ABCD3: variants seen among roughly 807,000 people sequenced by gnomAD.
ABCD3 encodes the protein ATP binding cassette subfamily D member 3.
A neutral mutation model predicts 105.5 loss-of-function variants in ABCD3; 41 were observed. That is an observed-to-expected ratio of 0.39 (90% CI 0.30 to 0.50). ABCD3 has a LOEUF of 0.50. ABCD3 is among the 20% of genes least tolerant of loss of function. The pLI, the probability that ABCD3 is intolerant of heterozygous loss-of-function variation, is 0.84. For missense variants in ABCD3, 622 were observed against 806.3 expected, an observed-to-expected ratio of 0.77 and a Z score of 2.77; for synonymous variants, 258 against 269.0, an observed-to-expected ratio of 0.96 and a Z score of 0.40.
chr1:94,471,614 C>G (rs1245627910), intron 4 of ABCD3, among the ~76,000 whole-genome samples: 1 of 151,916 alleles, frequency 6.6e-6, no homozygotes, highest in Non-Finnish European at 1.5e-5. Context: ...TAGTTTTGAG[C>G]CTCTGCTGTG....
chr1:94,450,641 T>G (rs914127594), intron 1 of ABCD3, among the ~76,000 whole-genome samples: 8 of 152,250 alleles, frequency 5.3e-5, no homozygotes, highest in Non-Finnish European at 1.5e-5. Context: ...TCAATAAATA[T>G]GTGGGTAAAT....
chr1:94,498,597 T>C lies in ABCD3; in HGVS notation c.1387-5T>C, dbSNP rs1048011705. The C allele has an allele frequency of 6.2e-7, 1 of 1,613,732 alleles. No individual in the cohort carries two copies. The highest frequency in any genetic ancestry group is 1.7e-4 in the Middle Eastern group (1 of 6,058). The stretch of plus-strand genomic sequence containing the variant: ...TTCACAGACTGATTTTTTTTTTTTT[T>C]TCAGGTTCGATCTGGGGCTAATGTT... On this transcript the variant is annotated splice_polypyrimidine_tract_variant and splice_region_variant and intron_variant, in intron 16 of 22. Transcript: ENST00000370214.
intron 3 of ABCD3, among the ~76,000 whole-genome samples, chr1:94,466,121 C>G (rs1337911671): frequency 6.6e-6 from 1 of 151,962 alleles, no homozygotes; most frequent in Non-Finnish European, 1.5e-5. Flanking sequence ...ATACATGTTC[C>G]TTGAAGAAAA....
chr1:94,420,459 CTT>C (rs901405927), intron 1 of ABCD3, among the ~76,000 whole-genome samples: 35 of 151,950 alleles, frequency 2.3e-4, no homozygotes, highest in African/African-American at 8.2e-4. Context: ...TTTTGAGAAA[CTT>C]TGTGAGCTTT....
At chr1:94,429,678 T>C (rs1221966353) in intron 1 of ABCD3, among the ~76,000 whole-genome samples, 1 of 152,200 alleles carries the variant, frequency 6.6e-6, no homozygotes, top group African/African-American at 2.4e-5. Flanking sequence ...AAGTCAAGAA[T>C]TGGGGTTTGG....
intron 20 of ABCD3, 26 bp from the exon 21 acceptor site, chr1:94,506,512 C>A: frequency 6.6e-7 from 1 of 1,520,734 alleles, no homozygotes; most frequent in Non-Finnish European, 9.1e-7. Flanking sequence ...CTGTGTTTTA[C>A]ACAAAAAATT....
chr1:94,498,050 TTGA>T, intron 16 of ABCD3, among the ~76,000 whole-genome samples: 1 of 152,294 alleles, frequency 6.6e-6, no homozygotes, highest in Non-Finnish European at 1.5e-5. Context: ...TTATCTTAAG[TTGA>T]TGATATCAAT....
intron 1 of ABCD3, among the ~76,000 whole-genome samples, chr1:94,436,670 C>CATATT (rs1214439230): frequency 6.6e-6 from 1 of 152,142 alleles, no homozygotes; most frequent in African/African-American, 2.4e-5. Context: ...GTCTCTGTAT[C>CATATT]ATATTATGGT....
Position 94,491,213 on chromosome 1 carries a change from A to G in ABCD3, c.1352A>G (p.Asn451Ser), listed in dbSNP as rs764306710. 6.2e-7 allele frequency: 1 copy of G among 1,612,498 alleles called. No homozygotes were observed. Among genetic ancestry groups the G allele is most frequent in the South Asian group, 1.1e-5 (1 of 90,990 alleles). Reference protein sequence around the residue: ...KFDHVPLATPNGDVLIRDLNF... With the variant: ...KFDHVPLATPSGDVLIRDLNF... ...GATCATGTTCCTTTAGCAACGCCAA[A>G]TGGAGATGTTTTGATCCGAGACCTT... Residue 451 changes from asparagine to serine, a missense_variant, in exon 16 of 23, where the codon AAT becomes AGT. Coordinates refer to ENST00000370214, the MANE Select transcript of ABCD3 (RefSeq NM_002858.4).
Position 94,464,755 on chromosome 1 carries a change from GCTT to G in ABCD3, c.148-16_148-14del, listed in dbSNP as rs752884630. 1.9e-6 allele frequency: 3 copies of G among 1,593,812 alleles called. No homozygotes were observed. Among genetic ancestry groups the G allele is most frequent in the Non-Finnish European group, 2.6e-6 (3 of 1,161,464 alleles). On this transcript the variant is annotated splice_polypyrimidine_tract_variant and intron_variant, in intron 2 of 22. Transcript: ENST00000370214. ...TGTTTGTTATAGCTATCTTAAAAGGGCTTCTTTTTTTTAATGCAGAAAGAGGGG... is the reference window on the plus strand; with the variant it reads ...TGTTTGTTATAGCTATCTTAAAAGGGCTTTTTTTTAATGCAGAAAGAGGGG...
rs201911490 is a variant in ABCD3 at position 94,500,279 on chromosome 1, C to CA, written c.1740+674dup. 7.3e-3 allele frequency among the ~76,000 whole-genome samples: 1,101 copies of CA among 151,090 alleles called. 16 individuals are homozygous for CA. Among genetic ancestry groups the CA allele is most frequent in the African/African-American group, 0.025 (1,031 of 41,228 alleles). On this transcript the variant is annotated intron_variant, in intron 20 of 22. Coordinates refer to ENST00000370214, the MANE Select transcript of ABCD3 (RefSeq NM_002858.4). Reference sequence around the variant, plus strand: ...GCAACATAGCAAGACCCTTTCTCTACAAAAAAAAATTTAAAAATTATCTGG... The same window carrying CA: ...GCAACATAGCAAGACCCTTTCTCTACAAAAAAAAAATTTAAAAATTATCTGG...
At chr1:94,444,512 CCTT>C (rs1259148981) in intron 1 of ABCD3, among the ~76,000 whole-genome samples, 6 of 152,034 alleles carry the variant, frequency 3.9e-5, no homozygotes, top group South Asian at 2.1e-4. Flanking sequence ...ACATGTTGAA[CCTT>C]CTTCTTAAAT....
At chr1:94,411,168 G>A in the ABCD3 span, among the ~76,000 whole-genome samples, 23 of 152,172 alleles carry the variant, frequency 1.5e-4, no homozygotes, top group East Asian at 4.2e-3. Context: ...TGTATTAAAG[G>A]ACACTATTAA....
the ABCD3 span, among the ~76,000 whole-genome samples, chr1:94,404,622 C>T: frequency 1.3e-5 from 2 of 152,012 alleles, no homozygotes; most frequent in Non-Finnish European, 1.5e-5. Context: ...AGAAGTGTTA[C>T]TCTTTTACAT....
intron 1 of ABCD3, among the ~76,000 whole-genome samples, chr1:94,426,382 T>G (rs1423991030): frequency 6.6e-6 from 1 of 152,192 alleles, no homozygotes; most frequent in Non-Finnish European, 1.5e-5. Flanking sequence ...CAGAGAACTG[T>G]GACCTACCTT....
intron 2 of ABCD3, among the ~76,000 whole-genome samples, chr1:94,462,639 G>A (rs1647934724): frequency 6.6e-6 from 1 of 152,138 alleles, no homozygotes; most frequent in Non-Finnish European, 1.5e-5. Context: ...GTGTTTCAAC[G>A]TTACTCTCTT....
At chr1:94,427,316 G>T (rs1282085911) in intron 1 of ABCD3, among the ~76,000 whole-genome samples, 1 of 152,144 alleles carries the variant, frequency 6.6e-6, no homozygotes, top group African/African-American at 2.4e-5. Flanking sequence ...CCCTGATTTT[G>T]TTTATCATCA....
At chr1:94,489,686 C>G (rs751604176) in intron 13 of ABCD3, 39 bp from the exon 14 acceptor site, 28 of 1,386,804 alleles carry the variant, frequency 2.0e-5, no homozygotes, top group Non-Finnish European at 2.7e-5. Flanking sequence ...TGACAATAGT[C>G]TGGAGTTTTG....
At chr1:94,465,971 A>G (rs1334228002) in intron 3 of ABCD3, among the ~76,000 whole-genome samples, 1 of 152,166 alleles carries the variant, frequency 6.6e-6, no homozygotes, top group African/African-American at 2.4e-5. Flanking sequence ...TGCAGTTCCC[A>G]AAGAAAACGT....
Sources: allele counts gnomAD v4.1 joint callset (sites outside exome capture counted in the v4.1 genomes callset), GRCh38; gene constraint gnomAD v4.1.1; transcripts MANE v1.5; gene names NCBI Gene and HGNC (gene_info 2026-07-23, HGNC 2026-07-21).